KCNQ5: variants seen among roughly 807,000 people sequenced by gnomAD.
The protein encoded by KCNQ5 is potassium voltage-gated channel subfamily KQT member 5.
Under a neutral mutation model 98.2 loss-of-function variants are expected in KCNQ5, and 30 were observed. The observed-to-expected ratio is 0.31, with a 90% CI of 0.23 to 0.41. The LOEUF is 0.41. Ranked by LOEUF, KCNQ5 falls within the 10% of genes least tolerant of loss-of-function variation. The probability of loss-of-function intolerance (pLI) is 1.00; values close to 1 mark genes in which losing one functional copy is unlikely to be tolerated. For synonymous variants in KCNQ5, 458 were observed against 449.4 expected, an observed-to-expected ratio of 1.02 and a Z score of -0.24; for missense variants, 835 against 1,182.5, an observed-to-expected ratio of 0.71 and a Z score of 4.31.
intron 1 of KCNQ5, among the ~76,000 whole-genome samples, chr6:72,740,772 G>T (rs1056311091): frequency 1.1e-4 from 17 of 152,102 alleles, no homozygotes; most frequent in Non-Finnish European, 2.2e-4. Flanking sequence ...GCCATTTTGT[G>T]CCCTGAACCC....
At chr6:73,129,827 A>G (rs1163693614) in intron 9 of KCNQ5, 2 of 1,613,128 alleles carry the variant, frequency 1.2e-6, no homozygotes, top group South Asian at 2.2e-5. Flanking sequence ...GCTCTTCAGA[A>G]TGTACACCTC....
intron 1 of KCNQ5, among the ~76,000 whole-genome samples, chr6:72,628,222 A>G (rs1340143066): frequency 1.3e-5 from 2 of 152,198 alleles, no homozygotes; most frequent in African/African-American, 4.8e-5. Context: ...AGAACTACCA[A>G]GTCTTTTCAG....
Position 73,195,544 on chromosome 6 carries a change from C to T in KCNQ5, c.*130C>T. 8.4e-7 allele frequency: 1 copy of T among 1,186,904 alleles called. No homozygotes were observed. The highest frequency in any genetic ancestry group is 1.2e-6 in the Non-Finnish European group (1 of 852,678). 73.5% of individuals were successfully genotyped at this position (1,186,904 alleles called of 1,614,324 possible). Reference sequence around the variant, plus strand: ...AGAACATGAAAGGCAGTTTATAAGCCCGTTACCTTTTAATTGCATGAAAAT... The same window carrying T: ...AGAACATGAAAGGCAGTTTATAAGCTCGTTACCTTTTAATTGCATGAAAAT... On this transcript the variant is annotated 3_prime_UTR_variant, in exon 14 of 14. Coordinates refer to ENST00000370398, the MANE Select transcript of KCNQ5 (RefSeq NM_019842.4).
intron 1 of KCNQ5, among the ~76,000 whole-genome samples, chr6:72,791,731 G>A (rs1458228572): frequency 6.6e-6 from 1 of 152,140 alleles, no homozygotes; most frequent in Non-Finnish European, 1.5e-5. Flanking sequence ...TGAAGCCCAA[G>A]ATTGAAGGAC....
chr6:72,972,975 G>A (rs1000848422), intron 1 of KCNQ5, among the ~76,000 whole-genome samples: 9 of 152,146 alleles, frequency 5.9e-5, no homozygotes, highest in African/African-American at 1.9e-4. Flanking sequence ...AGGAAGTAGT[G>A]AAACTAAACT....
intron 1 of KCNQ5, among the ~76,000 whole-genome samples, chr6:72,714,271 T>C (rs1027359436): frequency 6.6e-6 from 1 of 152,218 alleles, no homozygotes; most frequent in Non-Finnish European, 1.5e-5. Context: ...AAGAATTTCC[T>C]AGATTCCATA....
chr6:72,992,653 A>C (rs1201445565), intron 1 of KCNQ5, among the ~76,000 whole-genome samples: 9 of 16,660 alleles, frequency 5.4e-4, no homozygotes, highest in Admixed American at 9.9e-4. Flanking sequence ...AATTTAGTCC[A>C]TTTATATTTA....
intron 1 of KCNQ5, among the ~76,000 whole-genome samples, chr6:72,817,103 C>T (rs1443607458): frequency 6.6e-6 from 1 of 152,082 alleles, no homozygotes; most frequent in Non-Finnish European, 1.5e-5. Context: ...TGAACATTTG[C>T]CTACTTCTAC....
rs113662184 is a variant in KCNQ5, at chr6:73,035,442, C to A, written c.490-6494C>A. On this transcript the variant is annotated intron_variant, in intron 2 of 13. Transcript: ENST00000370398. ...TATTATTCACTAATCTCTTTAGCTG[C>A]CATTTCAGTAAATAGCGAGCATTTT... Among the ~76,000 whole-genome samples, 969 of 152,244 alleles carry A rather than the reference C, an allele frequency of 6.4e-3. 3 individuals carry two copies. The highest frequency in any genetic ancestry group is 0.02 in the Middle Eastern group (6 of 294).
chr6:72,985,650 A>C (rs899095966), intron 1 of KCNQ5, among the ~76,000 whole-genome samples: 1 of 152,238 alleles, frequency 6.6e-6, no homozygotes, highest in African/African-American at 2.4e-5. Context: ...TTGAAAAGTC[A>C]AAAACAACAG....
At chr6:73,154,090 A>G (rs12208815) in intron 10 of KCNQ5, among the ~76,000 whole-genome samples, 17,357 of 152,142 alleles carry the variant, frequency 0.11, 1,141 homozygotes, top group African/African-American at 0.18. Flanking sequence ...TTTTTCAATA[A>G]AAACTAATTT....
intron 1 of KCNQ5, among the ~76,000 whole-genome samples, chr6:72,862,026 G>A (rs1777785144): frequency 6.6e-6 from 1 of 152,092 alleles, no homozygotes; most frequent in Non-Finnish European, 1.5e-5. Context: ...TAGTACATGT[G>A]GTTCTGGCTG....
intron 1 of KCNQ5, among the ~76,000 whole-genome samples, chr6:72,927,705 A>C (rs1250654315): frequency 6.6e-6 from 1 of 152,122 alleles, no homozygotes; most frequent in East Asian, 1.9e-4. Flanking sequence ...TTAACATTAC[A>C]TACTTTATTG....
intron 10 of KCNQ5, chr6:73,136,510 GTT>G (rs951974078): frequency 5.9e-5 from 9 of 152,204 alleles, no homozygotes; most frequent in African/African-American, 2.2e-4. Flanking sequence ...TACGAGTACA[GTT>G]TTGTTTGTTT....
chr6:72,747,096 G>A (rs1771443949), intron 1 of KCNQ5, among the ~76,000 whole-genome samples: 1 of 152,040 alleles, frequency 6.6e-6, no homozygotes, highest in South Asian at 2.1e-4. Flanking sequence ...GAAAAAAAAT[G>A]TATTTGTTTT....
intron 1 of KCNQ5, among the ~76,000 whole-genome samples, chr6:72,819,101 T>C (rs987871066): frequency 1.3e-5 from 2 of 151,958 alleles, no homozygotes; most frequent in Non-Finnish European, 2.9e-5. Flanking sequence ...TGTTTGTTTT[T>C]TGGTTTTCTT....
At chr6:73,098,127 T>G (rs1343161769) in intron 5 of KCNQ5, among the ~76,000 whole-genome samples, 4 of 151,962 alleles carry the variant, frequency 2.6e-5, no homozygotes, top group African/African-American at 9.7e-5. Flanking sequence ...AAAATGCAAC[T>G]GACATACTGA....
intron 1 of KCNQ5, among the ~76,000 whole-genome samples, chr6:72,761,496 T>C (rs561553852): frequency 6.6e-6 from 1 of 152,008 alleles, no homozygotes; most frequent in African/African-American, 2.4e-5. Flanking sequence ...TTATAAGTAA[T>C]AATTAACATA....
At position 72,711,450 on chromosome 6, in the gene KCNQ5, A is replaced by C. The variant is rs139445417; in HGVS notation, c.398+88863A>C. Among the ~76,000 whole-genome samples the C allele has an allele frequency of 2.6e-5, 4 of 152,324 alleles. No homozygotes were observed. The East Asian group carries it at 7.7e-4, about 29-fold the overall frequency. The stretch of plus-strand genomic sequence containing the variant: ...CATAAAGGAACAACATGTGAAAAGC[A>C]CTTGGTGCATTTGAGAATCTGAAAG... On this transcript the variant is annotated intron_variant, in intron 1 of 13. Transcript: ENST00000370398.
Sources: allele counts gnomAD v4.1 joint callset (sites outside exome capture counted in the v4.1 genomes callset), GRCh38; gene constraint gnomAD v4.1.1; transcripts MANE v1.5; gene names NCBI Gene and HGNC (gene_info 2026-07-23, HGNC 2026-07-21).